CCDC60: variants seen among roughly 807,000 people sequenced by gnomAD.
CCDC60 encodes the protein coiled-coil domain-containing protein 60.
A neutral mutation model predicts 63.5 loss-of-function variants in CCDC60; 54 were observed. That is an observed-to-expected ratio of 0.85 (90% confidence interval 0.68 to 1.07). CCDC60 has a LOEUF of 1.07. Ranked by LOEUF, CCDC60 falls within the 50% of genes least tolerant of loss-of-function variation. The pLI is 0.00. For missense variants in CCDC60, 651 were observed against 684.3 expected (o/e 0.95, Z 0.54); for synonymous variants, 206 against 238.8 (o/e 0.86, Z 1.27).
chr12:119,444,327 G>A (rs1002736738), intron 2 of CCDC60, among the ~76,000 whole-genome samples: 1 of 152,172 alleles, frequency 6.6e-6, no homozygotes, highest in East Asian at 1.9e-4. Context: ...TAGAGCCAAT[G>A]GCTTGAATCA....
chr12:119,417,559 T>TGGGGC (rs1956724712), intron 1 of CCDC60, among the ~76,000 whole-genome samples: 1 of 152,156 alleles, frequency 6.6e-6, no homozygotes, highest in East Asian at 1.9e-4. Context: ...CTCTATTAGA[T>TGGGGC]ACAATCAGGC....
At chr12:119,411,523 T>G (rs939108796) in intron 1 of CCDC60, among the ~76,000 whole-genome samples, 11 of 152,052 alleles carry the variant, frequency 7.2e-5, no homozygotes, top group African/African-American at 2.7e-4. Context: ...AGAAAAAAAT[T>G]GTTATGCTTT....
intron 1 of CCDC60, among the ~76,000 whole-genome samples, chr12:119,424,994 C>A (rs780705744): frequency 6.8e-6 from 1 of 147,870 alleles, no homozygotes; most frequent in Non-Finnish European, 1.5e-5. Context: ...GGTGCACAGG[C>A]AGCTATCATT....
Position 119,352,965 on chromosome 12 carries a change from A to T in CCDC60, c.90+17699A>T, listed in dbSNP as rs1250177997. Among the ~76,000 whole-genome samples the T allele has an allele frequency of 2.6e-5, 4 of 152,112 alleles. No individual in the cohort carries two copies. The East Asian group carries it at 7.7e-4, about 29-fold the overall frequency. ...AATAATTAAAATTAAAATTAAAAAA[A>T]AATAAATAAATTCACTTCCAGATGA... On this transcript the variant is annotated intron_variant, in intron 1 of 13. Transcript: ENST00000327554.
chr12:119,451,729 A>G (rs11609862), intron 2 of CCDC60, among the ~76,000 whole-genome samples: 15,021 of 152,234 alleles, frequency 0.099, 992 homozygotes, highest in East Asian at 0.3. Flanking sequence ...AGTGTCCAAT[A>G]AAGATATCAG....
At chr12:119,364,015 C>A (rs1955816165) in intron 1 of CCDC60, among the ~76,000 whole-genome samples, 1 of 152,126 alleles carries the variant, frequency 6.6e-6, no homozygotes. Context: ...CTCTCCAGTG[C>A]CTTCGAAAAT....
At chr12:119,447,568 T>C (rs992448054) in intron 2 of CCDC60, among the ~76,000 whole-genome samples, 5 of 152,158 alleles carry the variant, frequency 3.3e-5, no homozygotes, top group African/African-American at 4.8e-5. Flanking sequence ...ATATCCACAA[T>C]GGCAGGTCCA....
intron 1 of CCDC60, among the ~76,000 whole-genome samples, chr12:119,424,270 T>A (rs1353393570): frequency 6.6e-6 from 1 of 152,244 alleles, no homozygotes; most frequent in Non-Finnish European, 1.5e-5. Flanking sequence ...TATCTTTACG[T>A]TTTGTAGCAT....
At chr12:119,384,275 C>T (rs1956038468) in intron 1 of CCDC60, among the ~76,000 whole-genome samples, 1 of 152,020 alleles carries the variant, frequency 6.6e-6, no homozygotes, top group Non-Finnish European at 1.5e-5. Context: ...GGTGTCAAAG[C>T]ACAGGGCTGC....
intron 2 of CCDC60, among the ~76,000 whole-genome samples, chr12:119,458,996 C>T (rs142102314): frequency 1.3e-5 from 2 of 152,260 alleles, no homozygotes; most frequent in East Asian, 1.9e-4. Flanking sequence ...AATCCACCTC[C>T]GTCGGCCGCC....
intron 1 of CCDC60, among the ~76,000 whole-genome samples, chr12:119,398,752 A>G (rs575652210): frequency 1.3e-5 from 2 of 152,320 alleles, no homozygotes; most frequent in African/African-American, 2.4e-5. Flanking sequence ...GGATCCCTTT[A>G]TAGTCTTAAG....
chr12:119,487,061 C>T (rs1951462473), intron 4 of CCDC60, among the ~76,000 whole-genome samples: 1 of 152,086 alleles, frequency 6.6e-6, no homozygotes, highest in African/African-American at 2.4e-5. Context: ...AGGCAGGCAG[C>T]AGGTTAACCC....
intron 1 of CCDC60, among the ~76,000 whole-genome samples, chr12:119,347,124 G>C (rs1408103992): frequency 6.6e-6 from 1 of 151,970 alleles, no homozygotes; most frequent in African/African-American, 2.4e-5. Flanking sequence ...GCCCGGCCTA[G>C]ACTCATCTTT....
intron 9 of CCDC60, among the ~76,000 whole-genome samples, chr12:119,522,630 T>G (rs770321917): frequency 4.8e-4 from 73 of 152,060 alleles, no homozygotes; most frequent in Middle Eastern, 3.2e-3. Flanking sequence ...ATCCCGACAA[T>G]ATGCAGAGGC....
At chr12:119,474,379 A>G (rs1951132469) in intron 3 of CCDC60, among the ~76,000 whole-genome samples, 1 of 152,238 alleles carries the variant, frequency 6.6e-6, no homozygotes, top group South Asian at 2.1e-4. Flanking sequence ...TCTGTTCTTG[A>G]GAATGTTAAT....
At chr12:119,413,852 A>G (rs552240351) in intron 1 of CCDC60, among the ~76,000 whole-genome samples, 2 of 152,100 alleles carry the variant, frequency 1.3e-5, no homozygotes, top group East Asian at 3.9e-4. Context: ...CGTAATGGGG[A>G]TTTTACTGAA....
chr12:119,519,401 A>ATGTGTGTGTGTGTG (rs141127258), intron 8 of CCDC60, among the ~76,000 whole-genome samples: 12 of 136,484 alleles, frequency 8.8e-5, no homozygotes, highest in Admixed American at 2.3e-4. Flanking sequence ...AGTGATATAT[A>ATGTGTGTGTGTGTG]TGTGTGTGTG....
chr12:119,527,663 TTTC>T (rs1405954535), intron 11 of CCDC60, among the ~76,000 whole-genome samples: 3 of 116,148 alleles, frequency 2.6e-5, no homozygotes, highest in Admixed American at 8.8e-5. Context: ...TCTTTCTTTC[TTTC>T]TTTTTTTTTT....
chr12:119,335,229 C>T lies in CCDC60; in HGVS notation c.53C>T (p.Ala18Val), dbSNP rs141830259. 1.6e-5 allele frequency: 25 copies of T among 1,605,442 alleles called. No homozygotes were observed. The African/African-American group carries it at 2.7e-4, about 17-fold the overall frequency. Residue 18 changes from alanine to valine, a missense_variant, in exon 1 of 14, where the codon GCT becomes GTT. Transcript: ENST00000327554. Reference protein sequence around the residue: ...KKLQSSPNSGAVRPFYASENL... With the variant: ...KKLQSSPNSGVVRPFYASENL... ...CTTCAGAGTTCCCCCAACTCGGGGG[C>T]TGTCCGGCCCTTTTATGCCTCGGAG...
Sources: gnomAD v4.1 joint callset for allele counts (sites outside exome capture counted in the v4.1 genomes callset) on GRCh38, gnomAD v4.1.1 for gene constraint, MANE v1.5 for transcripts, NCBI Gene and HGNC (gene_info 2026-07-23, HGNC 2026-07-21) for gene names.